Variants in SYT1 observed in about 807,000 individuals in gnomAD.
SYT1 encodes synaptotagmin-1.
Under a neutral mutation model 44.8 loss-of-function variants are expected in SYT1, and 8 were observed. The ratio of observed to expected loss-of-function variants is 0.18; its 90% CI spans 0.10 to 0.32. The LOEUF (loss-of-function observed/expected upper bound fraction) is 0.32, where lower values mean the gene tolerates loss of function less well. Ranked by LOEUF, SYT1 falls within the 10% of genes least tolerant of loss-of-function variation. The pLI, the probability that SYT1 is intolerant of heterozygous loss-of-function variation, is 1.00. For synonymous variants in SYT1, 154 were observed against 188.8 expected (o/e 0.82, Z 1.51); for missense variants, 286 against 509.3 (o/e 0.56, Z 4.22).
intron 1 of SYT1, among the ~76,000 whole-genome samples, chr12:78,875,982 C>T (rs1874047207): frequency 6.6e-6 from 1 of 151,612 alleles, no homozygotes; most frequent in African/African-American, 2.4e-5. Context: ...TGGCCTAACT[C>T]CAGTTTTATT....
At chr12:79,350,979 T>C (rs372258518) in intron 8 of SYT1, among the ~76,000 whole-genome samples, 1 of 152,226 alleles carries the variant, frequency 6.6e-6, no homozygotes, top group African/African-American at 2.4e-5. Flanking sequence ...AGTTAATTAA[T>C]ATAAACTACA....
chr12:78,908,843 T>C (rs1314633242), intron 1 of SYT1, among the ~76,000 whole-genome samples: 2 of 151,948 alleles, frequency 1.3e-5, no homozygotes, highest in African/African-American at 2.4e-5. Context: ...GAAAATCAAA[T>C]ATTTTTTTTA....
chr12:78,865,921 A>G (rs1177572351), intron 1 of SYT1, among the ~76,000 whole-genome samples: 6 of 142,410 alleles, frequency 4.2e-5, no homozygotes, highest in Admixed American at 1.4e-4. Context: ...TGAGTAACAA[A>G]AAAAAAAAAA....
intron 9 of SYT1, among the ~76,000 whole-genome samples, chr12:79,379,253 A>T (rs1393924231): frequency 6.6e-6 from 1 of 152,182 alleles, no homozygotes; most frequent in African/African-American, 2.4e-5. Context: ...TGAAATAACA[A>T]GTCACTTGAT....
At chr12:79,365,374 T>C (rs1883497458) in intron 9 of SYT1, among the ~76,000 whole-genome samples, 1 of 152,050 alleles carries the variant, frequency 6.6e-6, no homozygotes, top group African/African-American at 2.4e-5. Flanking sequence ...TAAATATAAC[T>C]ATGAGAAAAA....
intron 1 of SYT1, among the ~76,000 whole-genome samples, chr12:78,920,070 G>C (rs926309306): frequency 6.6e-6 from 1 of 150,972 alleles, no homozygotes; most frequent in Non-Finnish European, 1.5e-5. Context: ...GAAATACTAA[G>C]GCAGAAAAAT....
At chr12:78,872,286 T>G (rs549757785) in intron 1 of SYT1, among the ~76,000 whole-genome samples, 1 of 151,924 alleles carries the variant, frequency 6.6e-6, no homozygotes, top group African/African-American at 2.4e-5. Flanking sequence ...AGATACTTTC[T>G]GAACCACTCT....
At chr12:79,005,436 C>A (rs1000153804) in intron 2 of SYT1, among the ~76,000 whole-genome samples, 1 of 151,948 alleles carries the variant, frequency 6.6e-6, no homozygotes, top group Non-Finnish European at 1.5e-5. Context: ...AATTTTAATT[C>A]ACTCATCTAC....
chr12:79,157,875 G>T (rs912709499), intron 3 of SYT1, among the ~76,000 whole-genome samples: 1 of 152,112 alleles, frequency 6.6e-6, no homozygotes, highest in Non-Finnish European at 1.5e-5. Context: ...AAAGCACAGA[G>T]AGGTTAAGTG....
intron 3 of SYT1, among the ~76,000 whole-genome samples, chr12:79,122,768 A>T (rs546450495): frequency 3.2e-4 from 49 of 152,272 alleles, no homozygotes; most frequent in African/African-American, 1.2e-3. Flanking sequence ...CTTTGTTTCC[A>T]TCAAGTTCTT....
intron 9 of SYT1, among the ~76,000 whole-genome samples, chr12:79,413,873 C>A (rs1473501884): frequency 6.6e-6 from 1 of 152,124 alleles, no homozygotes; most frequent in Non-Finnish European, 1.5e-5. Context: ...CCTCTAACAG[C>A]AAAATCAAAA....
intron 3 of SYT1, among the ~76,000 whole-genome samples, chr12:79,187,119 T>C (rs566469027): frequency 2.6e-5 from 4 of 152,170 alleles, no homozygotes; most frequent in African/African-American, 9.6e-5. Flanking sequence ...TACACCCCCT[T>C]ACAGCACAAG....
chr12:79,252,392 A>G (rs548988805), intron 4 of SYT1, among the ~76,000 whole-genome samples: 35 of 152,294 alleles, frequency 2.3e-4, no homozygotes, highest in African/African-American at 7.5e-4. Flanking sequence ...ATTCTTAAGC[A>G]GAGGTAGTGG....
intron 3 of SYT1, among the ~76,000 whole-genome samples, chr12:79,159,314 C>A (rs1004444208): frequency 6.6e-6 from 1 of 152,114 alleles, no homozygotes; most frequent in African/African-American, 2.4e-5. Context: ...ATCCTGAGGA[C>A]TGACAAAGAG....
At chr12:79,109,599 G>C (rs370675197) in intron 3 of SYT1, among the ~76,000 whole-genome samples, 1 of 152,130 alleles carries the variant, frequency 6.6e-6, no homozygotes, top group African/African-American at 2.4e-5. Context: ...ATATGTGAAC[G>C]CACCCTGAAT....
At chr12:79,117,640 T>G (rs988045436) in intron 3 of SYT1, among the ~76,000 whole-genome samples, 27 of 132,300 alleles carry the variant, frequency 2.0e-4, no homozygotes, top group African/African-American at 6.8e-4. Flanking sequence ...ACAGGCTGTG[T>G]GTGTGTGTGT....
At chr12:79,196,149 C>CTGTTGTTGTTGT (rs58474358) in intron 3 of SYT1, among the ~76,000 whole-genome samples, 17 of 118,692 alleles carry the variant, frequency 1.4e-4, no homozygotes, top group African/African-American at 5.5e-4. Context: ...ATTTCTAATT[C>CTGTTGTTGTTGT]TGTTGTTGTT....
chr12:78,978,117 T>C (rs2137425200), intron 2 of SYT1, among the ~76,000 whole-genome samples, 186 bp downstream of exon 2: 1 of 152,316 alleles, frequency 6.6e-6, no homozygotes, highest in East Asian at 1.9e-4. Context: ...TTGTCACATA[T>C]TCTGAAATTA....
In SYT1 at chr12:79,037,941, C is replaced by G. The variant is rs556641237; in HGVS notation, c.-83-9356C>G. Among the ~76,000 whole-genome samples the G allele has an allele frequency of 2.0e-5, 3 of 151,728 alleles. No individual in the cohort carries two copies. The South Asian group carries it at 6.2e-4, about 32-fold the overall frequency. The stretch of plus-strand genomic sequence containing the variant: ...AAAATAGCCACAGTTTCATGTAATA[C>G]AGTATTGATAATGAAAATGGCATTT... On this transcript the variant is annotated intron_variant, in intron 2 of 10. Transcript: ENST00000261205.
Sources: allele counts gnomAD v4.1 joint callset (sites outside exome capture counted in the v4.1 genomes callset), GRCh38; gene constraint gnomAD v4.1.1; transcripts MANE v1.5; gene names NCBI Gene and HGNC (gene_info 2026-07-23, HGNC 2026-07-21).